Variants in CCDC50 observed in about 807,000 individuals in gnomAD.
CCDC50 encodes coiled-coil domain-containing protein 50.
Under a neutral mutation model 70.2 loss-of-function variants are expected in CCDC50, and 54 were observed. The ratio of observed to expected loss-of-function variants is 0.77; its 90% CI spans 0.62 to 0.96. CCDC50 has a LOEUF of 0.96. Ranked by LOEUF, CCDC50 falls within the 50% of genes least tolerant of loss-of-function variation. CCDC50 has a pLI of 0.00. For missense variants in CCDC50, 558 were observed against 578.7 expected (o/e 0.96, Z 0.37); for synonymous variants, 216 against 198.8 (o/e 1.09, Z -0.73).
Position 191,383,987 on chromosome 3 carries a change from T to A in CCDC50, c.1322+1162T>A, listed in dbSNP as rs186929044. Among the ~76,000 whole-genome samples, 445 of 152,290 alleles carry A rather than the reference T, an allele frequency of 2.9e-3. 1 individual carries two copies. The highest frequency in any genetic ancestry group is 0.01 in the African/African-American group (427 of 41,574). ...GAATTTAAATCATCTTTAGGCTTAA[T>A]TCTGCAGTCTTCAGATCCTTGGCCT... On this transcript the variant is annotated intron_variant, in intron 10 of 11. Transcript: ENST00000392455.
rs1216620468 is a variant in CCDC50 at position 191,398,532 on chromosome 3, C to G, written c.*6772C>G. On this transcript the variant is annotated 3_prime_UTR_variant, in exon 12 of 12. Transcript: ENST00000392455. ...ATAATTATTATTATTTACAAAATGA[C>G]CCTAATAGGTCTGTTTAGTAACAGT... 1.3e-5 allele frequency: 2 copies of G among 152,148 alleles called. No homozygotes were observed. The highest frequency in any genetic ancestry group is 2.9e-5 in the Non-Finnish European group (2 of 68,020). 9.4% of individuals were successfully genotyped at this position (152,148 alleles called of 1,614,324 possible). A position where few individuals can be genotyped will look rare whatever the true frequency, so the allele number is the denominator to read the frequency against.
chr3:191,363,760 C>T (rs1400033455), intron 4 of CCDC50, among the ~76,000 whole-genome samples: 1 of 152,170 alleles, frequency 6.6e-6, no homozygotes, highest in Non-Finnish European at 1.5e-5. Flanking sequence ...GGTGTGTTGA[C>T]CAGACAAGCC....
Position 191,397,435 on chromosome 3 carries a change from C to CTGTAAGAA in CCDC50, c.*5675_*5676insTGTAAGAA, listed in dbSNP as rs1713897264. ...ATATTTTTCTCTTCTTACAGGCAAC[C>CTGTAAGAA]CAATATTTATTTCATAAAGTGTTAT... On this transcript the variant is annotated 3_prime_UTR_variant, in exon 12 of 12. Coordinates refer to ENST00000392455, the MANE Select transcript of CCDC50 (RefSeq NM_178335.3). 4 of 152,042 alleles carry CTGTAAGAA rather than the reference C, an allele frequency of 2.6e-5. No homozygotes were observed. The highest frequency in any genetic ancestry group is 5.9e-5 in the Non-Finnish European group (4 of 68,008). 9.4% of individuals were successfully genotyped at this position (152,042 alleles called of 1,614,324 possible). A position where few individuals can be genotyped will look rare whatever the true frequency, so the allele number is the denominator to read the frequency against.
In CCDC50 at chr3:191,349,773, G is replaced by A. The variant is rs1159357347; in HGVS notation, c.50-7315G>A. On this transcript the variant is annotated intron_variant, in intron 1 of 11. Coordinates refer to ENST00000392455, the MANE Select transcript of CCDC50 (RefSeq NM_178335.3). ...GTTTTTTCAGGTGTAAATATAGGCC[G>A]ACTGTGATTGCTAGAAGTCTATTCT... 2.8e-5 allele frequency among the ~76,000 whole-genome samples: 4 copies of A among 141,078 alleles called. 1 individual carries two copies. Among genetic ancestry groups the A allele is most frequent in the East Asian group, 1.9e-4 (1 of 5,178 alleles). 92.6% of individuals were successfully genotyped at this position (141,078 alleles called of 152,430 possible).
At chr3:191,371,647 AT>A (rs1433092815) in intron 5 of CCDC50, among the ~76,000 whole-genome samples, 1 of 152,134 alleles carries the variant, frequency 6.6e-6, no homozygotes, top group Non-Finnish European at 1.5e-5. Flanking sequence ...GCCCAGTAAC[AT>A]TTTTTGCTCT....
At position 191,394,799 on chromosome 3, in the gene CCDC50, C is replaced by G. The variant is rs1053750689; in HGVS notation, c.*3039C>G. 1 of 152,160 alleles carries G rather than the reference C, an allele frequency of 6.6e-6. No homozygotes were observed. The highest frequency in any genetic ancestry group is 2.4e-5 in the African/African-American group (1 of 41,446). 9.4% of individuals were successfully genotyped at this position (152,160 alleles called of 1,614,324 possible). On this transcript the variant is annotated 3_prime_UTR_variant, in exon 12 of 12. Coordinates refer to ENST00000392455, the MANE Select transcript of CCDC50 (RefSeq NM_178335.3). ...TTGAAAAATATTTGACTTTTGCGTT[C>G]AAACCACTGTTAGACGTAAGTATTT...
chr3:191,384,472 T>A (rs1332479496), intron 10 of CCDC50, among the ~76,000 whole-genome samples: 1 of 152,052 alleles, frequency 6.6e-6, no homozygotes, highest in Non-Finnish European at 1.5e-5. Context: ...ACAGAAATAT[T>A]TGGTTTCAAG....
chr3:191,390,452 C>T (rs1194864961), intron 11 of CCDC50, among the ~76,000 whole-genome samples: 1 of 10,042 alleles, frequency 1.0e-4, no homozygotes, highest in Non-Finnish European at 3.0e-4. Flanking sequence ...CTGCTGGTTG[C>T]CCATTTTTAT....
intron 4 of CCDC50, among the ~76,000 whole-genome samples, chr3:191,363,194 T>G (rs1486048263): frequency 6.6e-6 from 1 of 152,186 alleles, no homozygotes; most frequent in Non-Finnish European, 1.5e-5. Flanking sequence ...TAATACTATA[T>G]AAAATTAGCA....
chr3:191,390,063 A>C (rs1186667600), intron 11 of CCDC50, among the ~76,000 whole-genome samples: 1 of 151,650 alleles, frequency 6.6e-6, no homozygotes, highest in African/African-American at 2.4e-5. Flanking sequence ...AGGTTTTACC[A>C]TGTCACCCCA....
chr3:191,338,728 T>A (rs1178287313), intron 1 of CCDC50, among the ~76,000 whole-genome samples: 3 of 152,234 alleles, frequency 2.0e-5, no homozygotes, highest in Admixed American at 2.0e-4. Flanking sequence ...ATTTTACTTT[T>A]ACTTTTTGTT....
intron 6 of CCDC50, among the ~76,000 whole-genome samples, chr3:191,378,296 A>G (rs1473390338): frequency 6.6e-6 from 1 of 152,180 alleles, no homozygotes; most frequent in African/African-American, 2.4e-5. Flanking sequence ...CCCTGTCAAA[A>G]CAATTAGACT....
intron 10 of CCDC50, among the ~76,000 whole-genome samples, chr3:191,387,883 T>A: frequency 6.6e-6 from 1 of 152,184 alleles, no homozygotes; most frequent in Admixed American, 6.5e-5. Context: ...TGGGTCATTC[T>A]AACTACTAAC....
chr3:191,341,921 A>G (rs1230735164), intron 1 of CCDC50, among the ~76,000 whole-genome samples: 2 of 152,150 alleles, frequency 1.3e-5, no homozygotes, highest in African/African-American at 2.4e-5. Flanking sequence ...AAGAAATATT[A>G]TTTTTATGTA....
At chr3:191,382,226 T>A (rs79232635) in intron 9 of CCDC50, among the ~76,000 whole-genome samples, 9,030 of 152,138 alleles carry the variant, frequency 0.059, 485 homozygotes, top group East Asian at 0.25. Flanking sequence ...CTTCTGTAAT[T>A]TTTATTTTAT....
At chr3:191,357,267 A>G (rs901521464) in intron 2 of CCDC50, 117 bp downstream of exon 2, 1 of 803,162 alleles carries the variant, frequency 1.2e-6, no homozygotes, top group Non-Finnish European at 2.1e-6. Flanking sequence ...CACCATCCAT[A>G]CATCCTGAAG....
intron 5 of CCDC50, among the ~76,000 whole-genome samples, chr3:191,371,884 A>G (rs1257669374): frequency 6.6e-6 from 1 of 152,156 alleles, no homozygotes; most frequent in Non-Finnish European, 1.5e-5. Flanking sequence ...GTTACTCTTC[A>G]CCTTCAATTT....
intron 6 of CCDC50, among the ~76,000 whole-genome samples, chr3:191,379,285 C>G (rs993339980): frequency 4.6e-5 from 7 of 151,874 alleles, no homozygotes; most frequent in Non-Finnish European, 8.8e-5. Context: ...TCATGTGATT[C>G]GAATATATAG....
chr3:191,387,345 A>G (rs1317332634), intron 10 of CCDC50, among the ~76,000 whole-genome samples: 1 of 152,178 alleles, frequency 6.6e-6, no homozygotes, highest in Non-Finnish European at 1.5e-5. Flanking sequence ...GATGTAAATG[A>G]TTTCATGAGA....
Sources: allele counts gnomAD v4.1 joint callset (sites outside exome capture counted in the v4.1 genomes callset), GRCh38; gene constraint gnomAD v4.1.1; transcripts MANE v1.5; gene names NCBI Gene and HGNC (gene_info 2026-07-23, HGNC 2026-07-21).